The following KIF13B variants were observed in gnomAD, a reference collection of about 807,000 sequenced individuals.
KIF13B encodes the protein kinesin family member 13B.
Under a neutral mutation model 222.0 loss-of-function variants are expected in KIF13B, and 127 were observed. That is an observed-to-expected ratio of 0.57 (90% CI 0.50 to 0.66). KIF13B has a LOEUF of 0.66. Among genes scored for constraint, KIF13B ranks in the 30% least tolerant of loss-of-function variants. The pLI, the probability that KIF13B is intolerant of heterozygous loss-of-function variation, is 0.00. For synonymous variants in KIF13B, 976 were observed against 919.0 expected (o/e 1.06, Z -1.12); for missense variants, 2,173 against 2,379.0 (o/e 0.91, Z 1.80).
intron 2 of KIF13B, among the ~76,000 whole-genome samples, chr8:29,241,735 C>G (rs1815789711): frequency 6.7e-6 from 1 of 149,702 alleles, no homozygotes; most frequent in Non-Finnish European, 1.5e-5. Flanking sequence ...AAGCCTTTTC[C>G]ACATAAGAAT....
intron 33 of KIF13B, among the ~76,000 whole-genome samples, chr8:29,109,714 C>T (rs1809265266): frequency 6.6e-6 from 1 of 152,186 alleles, no homozygotes; most frequent in Admixed American, 6.5e-5. Context: ...ACTATGTACC[C>T]ATAAACAGAC....
intron 2 of KIF13B, among the ~76,000 whole-genome samples, chr8:29,238,933 G>C (rs1377778053): frequency 6.6e-6 from 1 of 152,148 alleles, no homozygotes; most frequent in South Asian, 2.1e-4. Flanking sequence ...AGCTACTCAG[G>C]AGGCTGAGAT....
At chr8:29,121,097 T>TAGGTTGC (rs1217577665) in intron 29 of KIF13B, among the ~76,000 whole-genome samples, 1 of 151,636 alleles carries the variant, frequency 6.6e-6, no homozygotes, top group Non-Finnish European at 1.5e-5. Context: ...GTCAGATGAG[T>TAGGTTGC]AGGTTGCGAA....
intron 19 of KIF13B, among the ~76,000 whole-genome samples, chr8:29,141,701 C>G (rs1810825259): frequency 6.6e-6 from 1 of 152,110 alleles, no homozygotes. Context: ...ATGTTATGAT[C>G]AAAACTTCTT....
chr8:29,173,159 C>G (rs1397608707), intron 10 of KIF13B, among the ~76,000 whole-genome samples: 1 of 152,114 alleles, frequency 6.6e-6, no homozygotes, highest in East Asian at 1.9e-4. Context: ...AGCTGATCCT[C>G]CCACCTAGGC....
At chr8:29,179,912 C>G (rs1250438323) in intron 8 of KIF13B, among the ~76,000 whole-genome samples, 192 bp downstream of exon 8, 1 of 152,090 alleles carries the variant, frequency 6.6e-6, no homozygotes, top group Non-Finnish European at 1.5e-5. Context: ...TCCCAACAAC[C>G]CTGGAATGAC....
chr8:29,073,014 A>G (rs1807372811), intron 38 of KIF13B, among the ~76,000 whole-genome samples: 1 of 151,106 alleles, frequency 6.6e-6, no homozygotes, highest in South Asian at 2.1e-4. Flanking sequence ...GGCACCAACA[A>G]GGAGCCACGG....
chr8:29,123,333 C>G (rs1214559708), intron 28 of KIF13B, 33 bp downstream of exon 28: 1 of 1,610,444 alleles, frequency 6.2e-7, no homozygotes, highest in African/African-American at 1.3e-5. Flanking sequence ...GGTGAGCGTT[C>G]AGACCTCACA....
intron 1 of KIF13B, among the ~76,000 whole-genome samples, chr8:29,256,779 C>A (rs1219565835): frequency 1.3e-5 from 2 of 151,322 alleles, no homozygotes; most frequent in East Asian, 3.8e-4. Flanking sequence ...TGTTTTGAGA[C>A]AGTCTCGCTC....
chr8:29,239,232 G>A (rs1815652330), intron 2 of KIF13B, among the ~76,000 whole-genome samples: 1 of 152,196 alleles, frequency 6.6e-6, no homozygotes, highest in Non-Finnish European at 1.5e-5. Flanking sequence ...AACTTACACG[G>A]AGGTGTTCTT....
intron 2 of KIF13B, among the ~76,000 whole-genome samples, chr8:29,213,129 A>T (rs545749310): frequency 6.6e-6 from 1 of 152,262 alleles, no homozygotes; most frequent in South Asian, 2.1e-4. Flanking sequence ...ACTTAACCTC[A>T]TTCAACCTCT....
intron 2 of KIF13B, among the ~76,000 whole-genome samples, chr8:29,221,684 CA>C (rs1275037646): frequency 6.6e-6 from 1 of 152,038 alleles, no homozygotes; most frequent in Non-Finnish European, 1.5e-5. Context: ...TCGTGTGCCC[CA>C]AAAGAATTTT....
intron 36 of KIF13B, among the ~76,000 whole-genome samples, chr8:29,097,839 A>G (rs1425611566): frequency 6.6e-6 from 1 of 152,196 alleles, no homozygotes; most frequent in Admixed American, 6.5e-5. Context: ...CAGAATAAAA[A>G]GAAGGAACAT....
intron 1 of KIF13B, among the ~76,000 whole-genome samples, chr8:29,261,883 T>C (rs763373051): frequency 5.9e-5 from 9 of 151,876 alleles, no homozygotes; most frequent in Non-Finnish European, 1.0e-4. Context: ...GATCTGTATG[T>C]CTCAATATAT....
chr8:29,236,914 T>G (rs1381672075), intron 2 of KIF13B, among the ~76,000 whole-genome samples: 4 of 144,896 alleles, frequency 2.8e-5, no homozygotes, highest in Non-Finnish European at 6.1e-5. Context: ...TTCCAGTTTT[T>G]TGTTTTGCTT....
intron 37 of KIF13B, 27 bp downstream of exon 37, chr8:29,092,718 C>G: frequency 6.3e-7 from 1 of 1,594,680 alleles, no homozygotes. Context: ...GAAAAACGTT[C>G]ACAGCTGTTT....
chr8:29,166,892 A>G (rs962572533), intron 11 of KIF13B, among the ~76,000 whole-genome samples: 3 of 152,324 alleles, frequency 2.0e-5, no homozygotes, highest in African/African-American at 7.2e-5. Context: ...TACTTCTACT[A>G]CAAAATATTT....
intron 19 of KIF13B, among the ~76,000 whole-genome samples, 198 bp downstream of exon 19, chr8:29,141,959 A>G (rs1810836317): frequency 6.6e-6 from 1 of 152,318 alleles, no homozygotes; most frequent in East Asian, 1.9e-4. Flanking sequence ...AAATGAGAAG[A>G]AAAAAGAAGA....
chr8:29,146,025 G>A, intron 18 of KIF13B: 1 of 458,872 alleles, frequency 2.2e-6, no homozygotes, highest in South Asian at 3.2e-5. Context: ...CTAACTTGTG[G>A]AGAAGGGGTT....
Sources: gnomAD v4.1 joint callset for allele counts (sites outside exome capture counted in the v4.1 genomes callset) on GRCh38, gnomAD v4.1.1 for gene constraint, MANE v1.5 for transcripts, NCBI Gene and HGNC (gene_info 2026-07-23, HGNC 2026-07-21) for gene names.